AFAP1L2: variants seen among roughly 807,000 people sequenced by gnomAD.
The protein encoded by AFAP1L2 is actin filament-associated protein 1-like 2.
AFAP1L2 carries 46 observed loss-of-function variants against 99.3 expected under a neutral mutation model. The ratio of observed to expected loss-of-function variants is 0.46; its 90% CI spans 0.37 to 0.59. The LOEUF is 0.59. AFAP1L2 is among the 20% of genes least tolerant of loss of function. The pLI is 0.00. For missense variants in AFAP1L2, 959 were observed against 1,034.9 expected (o/e 0.93, Z 1.01); for synonymous variants, 397 against 419.1 (o/e 0.95, Z 0.64).
At chr10:114,282,768 C>T in the AFAP1L2 span, among the ~76,000 whole-genome samples, 5 of 152,270 alleles carry the variant, frequency 3.3e-5, no homozygotes, top group South Asian at 2.1e-4. Context: ...AATGGAGTGG[C>T]GGCTTTGGGA....
At chr10:114,317,964 A>C (rs1325724486) in intron 5 of AFAP1L2, among the ~76,000 whole-genome samples, 1 of 152,198 alleles carries the variant, frequency 6.6e-6, no homozygotes, top group Non-Finnish European at 1.5e-5. Context: ...GCATGATTTT[A>C]CCCACTTAGT....
At chr10:114,289,411 C>T in the AFAP1L2 span, 1,190 of 1,611,060 alleles carry the variant, frequency 7.4e-4, 3 homozygotes, top group African/African-American at 0.01. Flanking sequence ...TGCAGGTCCC[C>T]GGGATTCCCT....
At chr10:114,281,776 A>G in the AFAP1L2 span, 94 of 984,646 alleles carry the variant, frequency 9.5e-5, no homozygotes, top group Admixed American at 1.8e-4. Context: ...TCGAAGCTTT[A>G]AGGAATACAG....
Position 114,300,112 on chromosome 10 carries a change from C to T in AFAP1L2, c.1957+82G>A, listed in dbSNP as rs541947875. ...CTTAATAAACGCCCTTTCATATATACATCTATCCTATTAGTTCTGTCCCTC... is the reference window on the plus strand; with the variant it reads ...CTTAATAAACGCCCTTTCATATATATATCTATCCTATTAGTTCTGTCCCTC... On this transcript the variant is annotated intron_variant, in intron 15 of 18. Coordinates refer to ENST00000304129, the MANE Select transcript of AFAP1L2 (RefSeq NM_001001936.3). 2.3e-4 allele frequency: 368 copies of T among 1,585,072 alleles called. 2 individuals carry two copies. The South Asian group carries it at 2.9e-3, about 13-fold the overall frequency.
At chr10:114,368,505 C>T (rs564711172) in intron 1 of AFAP1L2, among the ~76,000 whole-genome samples, 2 of 152,206 alleles carry the variant, frequency 1.3e-5, no homozygotes, top group Non-Finnish European at 2.9e-5. Flanking sequence ...CTGCAGCCTC[C>T]ACCTCCCAGG....
chr10:114,281,157 C>T, the AFAP1L2 span: 1 of 152,236 alleles, frequency 6.6e-6, no homozygotes, highest in African/African-American at 2.4e-5. Flanking sequence ...TGTGGGCAGC[C>T]CAGGGTGGGA....
At position 114,327,167 on chromosome 10, in the gene AFAP1L2, ATATATATTTT is replaced by A. The variant is rs1321224420; in HGVS notation, c.316-3916_316-3907del. 5.0e-5 allele frequency among the ~76,000 whole-genome samples: 4 copies of A among 79,542 alleles called. 1 individual carries two copies. The highest frequency in any genetic ancestry group is 1.2e-4 in the Non-Finnish European group (4 of 33,054). 52.2% of individuals were successfully genotyped at this position (79,542 alleles called of 152,430 possible). A position where few individuals can be genotyped will look rare whatever the true frequency, so the allele number is the denominator to read the frequency against. ...TATATTTATATATATATATATATAT[ATATATATTTT>A]TTTTTTAGGCAGAGTCTCACTGTGT... is the stretch of plus-strand genomic sequence containing the variant. On this transcript the variant is annotated intron_variant, in intron 4 of 18. Coordinates refer to ENST00000304129, the MANE Select transcript of AFAP1L2 (RefSeq NM_001001936.3).
In AFAP1L2 at chr10:114,325,656, C is replaced by T. The variant is rs370312329; in HGVS notation, c.316-2395G>A. 1.4e-3 allele frequency among the ~76,000 whole-genome samples: 212 copies of T among 152,358 alleles called. 1 individual carries two copies. Among genetic ancestry groups the T allele is most frequent in the African/African-American group, 4.8e-3 (201 of 41,580 alleles). ...TTGCACACCTCTGCCCAGGCTCCTG[C>T]CTGGCAGCCAGGCCCTAGCAGACAA... On this transcript the variant is annotated intron_variant, in intron 4 of 18. Coordinates refer to ENST00000304129, the MANE Select transcript of AFAP1L2 (RefSeq NM_001001936.3).
At position 114,394,869 on chromosome 10, in the gene AFAP1L2, G is replaced by A. The variant is rs74157600; in HGVS notation, c.16+9571C>T. Among the ~76,000 whole-genome samples the A allele has an allele frequency of 1.1e-3, 169 of 152,170 alleles. 1 individual carries two copies. Among genetic ancestry groups the A allele is most frequent in the African/African-American group, 3.9e-3 (163 of 41,500 alleles). The stretch of plus-strand genomic sequence containing the variant: ...TGAGTCTCACCCAGCTCAAGTACCT[G>A]CCCCTGCTCTCTCAGGAGATTTCCA... On this transcript the variant is annotated intron_variant, in intron 1 of 18. Coordinates refer to ENST00000304129, the MANE Select transcript of AFAP1L2 (RefSeq NM_001001936.3).
rs149120116 is a variant in AFAP1L2, at chr10:114,310,370, C to G, written c.866G>C (p.Arg289Pro). ...GAGGCTTACTTTCTGGCAGTTAAAGCGCTGGGCATCCGGGGTGTACTGGTT... is the reference window on the plus strand; with the variant it reads ...GAGGCTTACTTTCTGGCAGTTAAAGGGCTGGGCATCCGGGGTGTACTGGTT... ...EGNQYTPDAQ[R>P]FNCQKPDIAE... The change falls in exon 8 of 19, where the codon CGC becomes CCC. Residue 289 changes from arginine to proline, a missense_variant. Physicochemically the swap from Arg to Pro is moderately radical, Grantham distance 103. Around this residue, in one of 2 missense-constraint regions of AFAP1L2, gnomAD observed 383 missense variants for 472.8 expected, o/e 0.81. Coordinates refer to ENST00000304129, the MANE Select transcript of AFAP1L2 (RefSeq NM_001001936.3). 5 of 1,613,686 alleles carry G rather than the reference C, an allele frequency of 3.1e-6. No homozygotes were observed. Among genetic ancestry groups the G allele is most frequent in the East Asian group, 2.2e-5 (1 of 44,868 alleles).
intron 4 of AFAP1L2, among the ~76,000 whole-genome samples, chr10:114,331,338 G>A (rs2047201999): frequency 6.6e-6 from 1 of 152,134 alleles, no homozygotes; most frequent in Non-Finnish European, 1.5e-5. Context: ...AGGTTGGCCT[G>A]TAGTGGCTAT....
chr10:114,313,965 C>T lies in AFAP1L2; in HGVS notation c.698G>A (p.Arg233Gln), dbSNP rs766129648. 1.4e-5 allele frequency: 22 copies of T among 1,613,956 alleles called. No homozygotes were observed. The highest frequency in any genetic ancestry group is 2.2e-5 in the East Asian group (1 of 44,856). The part of the protein sequence containing the change: ...SSVIHKEKQV[R>Q]KKEHKLKITP... ...GATCTTCAGCTTGTGCTCCTTCTTCCGCACTTGCTTCTCCTTGTGAATGAC... is the reference window on the plus strand; with the variant it reads ...GATCTTCAGCTTGTGCTCCTTCTTCTGCACTTGCTTCTCCTTGTGAATGAC... Residue 233 changes from arginine (R) to glutamine (Q), a missense_variant, in exon 7 of 19, where the codon CGG becomes CAG. Arg to Gln is a conservative substitution (Grantham distance 43). Coordinates refer to ENST00000304129, the MANE Select transcript of AFAP1L2 (RefSeq NM_001001936.3).
chr10:114,300,207 G>A lies in AFAP1L2; in HGVS notation c.1944C>T (p.Arg648=), dbSNP rs747709843. The part of the protein sequence containing the change: ...GASPPVKDRL[R]VTSAEIKLGK... ...AAGCACAAGTACCTGCACTGGTCAC[G>A]CGCAACCTGTCCTTCACAGGTGGGC... Residue 648 remains arginine (R), a synonymous_variant, in exon 15 of 19, where the codon CGC becomes CGT. Coordinates refer to ENST00000304129, the MANE Select transcript of AFAP1L2 (RefSeq NM_001001936.3). 44 of 1,614,052 alleles carry A rather than the reference G, an allele frequency of 2.7e-5. No individual in the cohort carries two copies. Among genetic ancestry groups the A allele is most frequent in the East Asian group, 1.6e-4 (7 of 44,892 alleles).
intron 1 of AFAP1L2, among the ~76,000 whole-genome samples, chr10:114,380,571 C>T (rs2055473225): frequency 1.3e-5 from 2 of 152,286 alleles, no homozygotes; most frequent in Admixed American, 1.3e-4. Flanking sequence ...CTAATAAATG[C>T]TTATGATGAG....
At chr10:114,327,175 T>TATATATATATATATATATATGTATATATA (rs1564880771) in intron 4 of AFAP1L2, among the ~76,000 whole-genome samples, 1 of 55,626 alleles carries the variant, frequency 1.8e-5, no homozygotes, top group Non-Finnish European at 5.3e-5. Context: ...ATATATATAT[T>TATATATATATATATATATATGTATATATA]TTTTTTTTAG....
chr10:114,383,183 A>G (rs1164827259), intron 1 of AFAP1L2, among the ~76,000 whole-genome samples: 4 of 152,242 alleles, frequency 2.6e-5, no homozygotes, highest in Non-Finnish European at 4.4e-5. Context: ...GATACATAAA[A>G]TCTGGGGCAG....
chr10:114,288,000 T>TA, the AFAP1L2 span, among the ~76,000 whole-genome samples: 1 of 152,212 alleles, frequency 6.6e-6, no homozygotes, highest in Non-Finnish European at 1.5e-5. Context: ...GGAGTGGTTT[T>TA]AAAAACCAGT....
intron 1 of AFAP1L2, among the ~76,000 whole-genome samples, chr10:114,399,266 G>GC (rs376272197): frequency 1.2e-3 from 187 of 152,258 alleles, no homozygotes; most frequent in African/African-American, 4.0e-3. Flanking sequence ...AATATTTGTT[G>GC]CCCACCTGCG....
At chr10:114,337,747 A>C (rs2135801925) in intron 2 of AFAP1L2, among the ~76,000 whole-genome samples, 1 of 152,382 alleles carries the variant, frequency 6.6e-6, no homozygotes, top group African/African-American at 2.4e-5. Context: ...CACGGGTCAG[A>C]CTTATCACAA....
Sources: gnomAD v4.1 joint callset for allele counts (sites outside exome capture counted in the v4.1 genomes callset) on GRCh38, gnomAD v4.1.1 for gene constraint, gnomAD v4.1.1 regional missense constraint, MANE v1.5 for transcripts, NCBI Gene and HGNC (gene_info 2026-07-23, HGNC 2026-07-21) for gene names.